Variants in BEST3 observed in about 807,000 individuals in gnomAD.
BEST3 encodes the protein bestrophin 3, also known as bestrophin-3.
BEST3 carries 50 observed loss-of-function variants against 47.1 expected under a neutral mutation model. The ratio of observed to expected loss-of-function variants is 1.06; its 90% CI spans 0.85 to 1.34. The LOEUF (loss-of-function observed/expected upper bound fraction) is 1.34. Among genes scored for constraint, BEST3 ranks in the 40% most tolerant of loss-of-function variants. The probability of loss-of-function intolerance (pLI) is 0.00; values close to 1 mark genes in which losing one functional copy is unlikely to be tolerated. For synonymous variants in BEST3, 282 were observed against 298.8 expected, an observed-to-expected ratio of 0.94 and a Z score of 0.58; for missense variants, 765 against 817.0, an observed-to-expected ratio of 0.94 and a Z score of 0.78.
chr12:69,644,869 T>C lies in BEST3; in HGVS notation c.1101-1082A>G, dbSNP rs1429913138. Among the ~76,000 whole-genome samples the C allele has an allele frequency of 3.3e-5, 5 of 152,360 alleles. No homozygotes were observed. The East Asian group carries it at 5.8e-4, about 18-fold the overall frequency. ...CTATTTTTTAAAATAGTATTTTTAG[T>C]ATAATTGATAAATCATTGCTGATTG... On this transcript the variant is annotated intron_variant, in intron 9 of 9. Coordinates refer to the BEST3 transcript ENST00000331471.
At chr12:69,662,959 T>C (rs537394494) in intron 9 of BEST3, among the ~76,000 whole-genome samples, 1 of 152,356 alleles carries the variant, frequency 6.6e-6, no homozygotes, top group East Asian at 1.9e-4. Flanking sequence ...TTACAGCCTC[T>C]CTTCTCCAGA....
chr12:69,669,233 A>G (rs1323054788), intron 9 of BEST3, among the ~76,000 whole-genome samples: 1 of 152,168 alleles, frequency 6.6e-6, no homozygotes, highest in Admixed American at 6.5e-5. Context: ...CTGATCGCCT[A>G]TTTTCCTGCA....
chr12:69,646,113 T>C (rs867492867), intron 9 of BEST3, among the ~76,000 whole-genome samples: 1 of 152,160 alleles, frequency 6.6e-6, no homozygotes, highest in African/African-American at 2.4e-5. Context: ...ATTTTTTGTA[T>C]TTTTAGTAGA....
At chr12:69,648,711 G>A (rs1883117505), downstream of BEST3, among the ~76,000 whole-genome samples, 1 of 152,184 alleles carries the variant, frequency 6.6e-6, no homozygotes, top group South Asian at 2.1e-4. Flanking sequence ...AGTCCAACTG[G>A]TGACATCATC....
In BEST3 at chr12:69,677,298, G is replaced by A. The variant is rs17106943; in HGVS notation, c.637-41C>T. The A allele has an allele frequency of 7.3e-3, 11,303 of 1,546,828 alleles. 683 individuals carry two copies. The African/African-American group carries it at 0.13, about 18-fold the overall frequency. ...ATCAAGCATGATTTACTAAGATGAC[G>A]GGTGTGGTAATAAGTACTTACTGGG... On this transcript the variant is annotated intron_variant, in intron 5 of 9. Transcript: ENST00000330891.
chr12:69,667,353 G>A (rs967637564), intron 9 of BEST3, among the ~76,000 whole-genome samples: 4 of 151,902 alleles, frequency 2.6e-5, no homozygotes, highest in African/African-American at 9.7e-5. Context: ...GGAGTATAAC[G>A]GTGCGATCTC....
downstream of BEST3, among the ~76,000 whole-genome samples, chr12:69,649,048 G>A (rs1344009313): frequency 6.6e-6 from 1 of 152,188 alleles, no homozygotes; most frequent in Non-Finnish European, 1.5e-5. Flanking sequence ...AGGCTGGAGT[G>A]CAGTAGCATG....
chr12:69,681,462 T>G (rs1885249631), intron 4 of BEST3, among the ~76,000 whole-genome samples: 1 of 151,990 alleles, frequency 6.6e-6, no homozygotes, highest in Non-Finnish European at 1.5e-5. Flanking sequence ...ATAAATAAAT[T>G]AAAAAAATCC....
intron 5 of BEST3, among the ~76,000 whole-genome samples, chr12:69,677,604 G>T (rs1885001878): frequency 6.6e-6 from 1 of 152,152 alleles, no homozygotes; most frequent in Admixed American, 6.5e-5. Flanking sequence ...AACATAGAAA[G>T]ACATTGTTTC....
At chr12:69,645,115 C>T (rs921230045) in intron 9 of BEST3, among the ~76,000 whole-genome samples, 3 of 151,994 alleles carry the variant, frequency 2.0e-5, no homozygotes, top group Admixed American at 2.0e-4. Flanking sequence ...TGATGAAATG[C>T]CAGGGTGAAA....
Position 69,697,635 on chromosome 12 carries a change from A to G in BEST3, c.152+12T>C, listed in dbSNP as rs768402179. ...CTGATGGCCATTTAAGGAGACATGT[A>G]AAGAAAAGTACCTGTATACCAAACT... On this transcript the variant is annotated intron_variant, in intron 2 of 9. Transcript: ENST00000330891. 6.5e-7 allele frequency: 1 copy of G among 1,546,620 alleles called. No homozygotes were observed. Among genetic ancestry groups the G allele is most frequent in the Admixed American group, 2.1e-5 (1 of 48,112 alleles).
chr12:69,665,990 A>G (rs1030848437), intron 9 of BEST3, among the ~76,000 whole-genome samples: 8 of 152,136 alleles, frequency 5.3e-5, no homozygotes, highest in African/African-American at 1.9e-4. Flanking sequence ...GAGCTTTTTC[A>G]TAGCTTGTTC....
At position 69,676,900 on chromosome 12, in the gene BEST3, T is replaced by G. The variant is rs747344001; in HGVS notation, c.867+16A>C. The G allele has an allele frequency of 7.4e-6, 12 of 1,611,808 alleles. No individual in the cohort carries two copies. The highest frequency in any genetic ancestry group is 9.3e-6 in the Non-Finnish European group (11 of 1,178,844). ...CATAACACATTACAAAGTGGGGCCC[T>G]GAGACCACTGGCTACCTTAAGCCAT... is the stretch of plus-strand genomic sequence containing the variant. On this transcript the variant is annotated intron_variant, in intron 7 of 9. Coordinates refer to ENST00000330891, the MANE Select transcript of BEST3 (RefSeq NM_032735.3).
chr12:69,644,512 T>C (rs1882971307), intron 9 of BEST3, among the ~76,000 whole-genome samples: 1 of 152,170 alleles, frequency 6.6e-6, no homozygotes, highest in Non-Finnish European at 1.5e-5. Context: ...TGGCACAGGG[T>C]ATGATGCAGT....
Position 69,697,766 on chromosome 12 carries a change from A to ATTTTT in BEST3, c.32_33insAAAAA (p.Asn11LysfsTer38). On this transcript the variant is annotated frameshift_variant, in exon 2 of 10. Coordinates refer to ENST00000330891, the MANE Select transcript of BEST3 (RefSeq NM_032735.3). LOFTEE classifies it high-confidence loss of function. ...ACCTATGAAATCCAAAAAAAGTTGC[A>ATTTTT]TTTGCTACTTTACTGGAGTAAGTGA... The ATTTTT allele has an allele frequency of 6.8e-6, 11 of 1,612,906 alleles. No homozygotes were observed. The highest frequency in any genetic ancestry group is 9.3e-6 in the Non-Finnish European group (11 of 1,179,526).
At chr12:69,690,568 A>G (rs944361837) in intron 4 of BEST3, among the ~76,000 whole-genome samples, 2 of 152,154 alleles carry the variant, frequency 1.3e-5, no homozygotes, top group African/African-American at 4.8e-5. Flanking sequence ...TGAAGGTGAC[A>G]CTAAGAAGAT....
chr12:69,687,795 G>C (rs939295149), intron 4 of BEST3, among the ~76,000 whole-genome samples: 1 of 152,114 alleles, frequency 6.6e-6, no homozygotes. Flanking sequence ...TAGAGAGAGA[G>C]AATTGCAATG....
intron 9 of BEST3, 132 bp downstream of exon 9, chr12:69,671,296 G>A (rs2135960555): frequency 2.2e-6 from 2 of 911,978 alleles, no homozygotes; most frequent in Non-Finnish European, 3.1e-6. Context: ...TCCCCAAGTA[G>A]CTAGGACTAC....
In BEST3 at chr12:69,671,501, C is replaced by CA; in HGVS notation, c.1026dup (p.Ala343CysfsTer11). The CA allele has an allele frequency of 6.2e-7, 1 of 1,614,018 alleles. No individual in the cohort carries two copies. Among genetic ancestry groups the CA allele is most frequent in the South Asian group, 1.1e-5 (1 of 91,088 alleles). On this transcript the variant is annotated frameshift_variant, in exon 9 of 10. Transcript: ENST00000330891. LOFTEE classifies it high-confidence loss of function. ...GCTGCCAATGTGTATGGTGGGCGAGCAGCAGAATCGTCCCAGTAAATGTCC... is the reference window on the plus strand; with the variant it reads ...GCTGCCAATGTGTATGGTGGGCGAGCAAGCAGAATCGTCCCAGTAAATGTCC...
Sources: gnomAD v4.1 joint callset for allele counts (sites outside exome capture counted in the v4.1 genomes callset) on GRCh38, gnomAD v4.1.1 for gene constraint, MANE v1.5 for transcripts, NCBI Gene and HGNC (gene_info 2026-07-23, HGNC 2026-07-21) for gene names.